KIRREL3: variants seen among roughly 807,000 people sequenced by gnomAD.
KIRREL3 encodes the protein kirre like nephrin family adhesion molecule 3, also known as kin of IRRE-like protein 3.
Under a neutral mutation model 89.7 loss-of-function variants are expected in KIRREL3, and 36 were observed. That is an observed-to-expected ratio of 0.40 (90% CI 0.31 to 0.53). The LOEUF is 0.53. KIRREL3 is among the 20% of genes least tolerant of loss of function. The probability of loss-of-function intolerance (pLI) is 0.49; values close to 1 mark genes in which losing one functional copy is unlikely to be tolerated. For missense variants in KIRREL3, 864 were observed against 1,056.6 expected, an observed-to-expected ratio of 0.82 and a Z score of 2.53; for synonymous variants, 445 against 441.4, an observed-to-expected ratio of 1.01 and a Z score of -0.10.
intron 4 of KIRREL3, among the ~76,000 whole-genome samples, chr11:126,497,732 A>G (rs1362130678): frequency 1.3e-5 from 2 of 152,238 alleles, no homozygotes; most frequent in Non-Finnish European, 2.9e-5. Flanking sequence ...AAGCCACGCC[A>G]GTGCACATGG....
intron 1 of KIRREL3, among the ~76,000 whole-genome samples, chr11:126,717,873 G>A (rs1427470805): frequency 6.6e-6 from 1 of 152,064 alleles, no homozygotes; most frequent in Non-Finnish European, 1.5e-5. Context: ...AAATTAGAAG[G>A]GACTTTAGCA....
chr11:126,534,768 C>T (rs1591694373), intron 2 of KIRREL3, among the ~76,000 whole-genome samples: 1 of 152,202 alleles, frequency 6.6e-6, no homozygotes, highest in Non-Finnish European at 1.5e-5. Context: ...AGTTCTCTGC[C>T]CTACCTGAGA....
At chr11:126,488,457 G>A (rs990602752) in intron 4 of KIRREL3, among the ~76,000 whole-genome samples, 11 of 152,266 alleles carry the variant, frequency 7.2e-5, no homozygotes, top group African/African-American at 2.2e-4. Flanking sequence ...TAGTAGGTCC[G>A]CAGTCGTGGA....
rs189162333 is a variant in KIRREL3, at chr11:126,571,401, A to G, written c.56-8489T>C. ...CACTGAAAGTGGGACACTGGTTACT[A>G]TCTTTGGGGGCTGGGTGCAGCCCAG... On this transcript the variant is annotated intron_variant, in intron 1 of 16. Transcript: ENST00000525144. This position sits in a 1 kb window ranked among gnomAD's most constrained non-coding sequence, Gnocchi z 7.7. Among the ~76,000 whole-genome samples the G allele has an allele frequency of 0.013, 1,960 of 152,194 alleles. 21 individuals are homozygous for G. The highest frequency in any genetic ancestry group is 0.018 in the Non-Finnish European group (1,209 of 68,010).
intron 1 of KIRREL3, among the ~76,000 whole-genome samples, chr11:126,865,719 A>G (rs2134641568): frequency 1.3e-5 from 2 of 152,364 alleles, no homozygotes; most frequent in Middle Eastern, 3.4e-3. Flanking sequence ...TTTGAATTTA[A>G]GGAATGAGAG....
chr11:126,863,428 T>C lies in KIRREL3; in HGVS notation c.55+137027A>G, dbSNP rs1379311849. Among the ~76,000 whole-genome samples the C allele has an allele frequency of 3.4e-3, 347 of 100,914 alleles. 2 individuals are homozygous for C. Among genetic ancestry groups the C allele is most frequent in the East Asian group, 0.03 (80 of 2,632 alleles). 66.2% of individuals were successfully genotyped at this position (100,914 alleles called of 152,430 possible). On this transcript the variant is annotated intron_variant, in intron 1 of 16. Transcript: ENST00000525144. ...GTGAGTGCGTGTGTGAGCGCATGTG[T>C]GTGAGTGCGTGTGTGAGTGTGTGTG...
rs1175901581 is a variant in KIRREL3, at chr11:126,924,264, C to T, written c.55+76191G>A. 6.6e-6 allele frequency among the ~76,000 whole-genome samples: 1 copy of T among 152,116 alleles called. No homozygotes were observed. The highest frequency in any genetic ancestry group is 2.4e-5 in the African/African-American group (1 of 41,422). On this transcript the variant is annotated intron_variant, in intron 1 of 16. Coordinates refer to ENST00000525144, the MANE Select transcript of KIRREL3 (RefSeq NM_032531.4). This position sits in a 1 kb window ranked among gnomAD's most constrained non-coding sequence, Gnocchi z 4.7. ...CTGGTTTTCCCACCTTCAGTTTTCC[C>T]TTCTAGCTCGCTCACTCTCCACACC...
intron 1 of KIRREL3, chr11:126,935,783 T>C (rs1413017662): frequency 6.6e-6 from 1 of 152,218 alleles, no homozygotes. Context: ...ATCTATCCTC[T>C]TTGATACTAC....
rs34642230 is a variant in KIRREL3, at chr11:126,424,342, G to A, written c.*238C>T. On this transcript the variant is annotated 3_prime_UTR_variant, in exon 17 of 17. Coordinates refer to ENST00000525144, the MANE Select transcript of KIRREL3 (RefSeq NM_032531.4). ...ACACGGGTGTCCAGCACTAAGCACA[G>A]CGCACTCAGCCGCAGCCTCTGTCTG... is the stretch of plus-strand genomic sequence containing the variant. 0.091 allele frequency: 50,479 copies of A among 551,894 alleles called. 3,121 individuals are homozygous for A. Among genetic ancestry groups the A allele is most frequent in the African/African-American group, 0.14 (7,460 of 52,570 alleles). The allele number at this position is 551,894 out of a possible 1,614,324, so 34.2% of individuals were successfully genotyped here.
At chr11:126,589,546 T>C (rs1365119405) in intron 1 of KIRREL3, among the ~76,000 whole-genome samples, 1 of 152,208 alleles carries the variant, frequency 6.6e-6, no homozygotes, top group Non-Finnish European at 1.5e-5. Flanking sequence ...GTAGGTACTC[T>C]TGTGTTCAAA....
At chr11:126,619,011 C>G (rs906823638) in intron 1 of KIRREL3, among the ~76,000 whole-genome samples, 1 of 152,140 alleles carries the variant, frequency 6.6e-6, no homozygotes, top group Non-Finnish European at 1.5e-5. Flanking sequence ...ATCTTGACTT[C>G]TAGTTGGAGA....
At chr11:126,939,455 G>A (rs1200645989) in intron 1 of KIRREL3, among the ~76,000 whole-genome samples, 1 of 152,170 alleles carries the variant, frequency 6.6e-6, no homozygotes, top group Non-Finnish European at 1.5e-5. Context: ...CTCAGATTCT[G>A]TCAGGTAGGG....
chr11:126,535,095 G>A lies in KIRREL3; in HGVS notation c.134-8408C>T, dbSNP rs887121001. Among the ~76,000 whole-genome samples the A allele has an allele frequency of 3.9e-4, 60 of 152,048 alleles. No homozygotes were observed. Among genetic ancestry groups the A allele is most frequent in the Non-Finnish European group, 1.5e-4 (10 of 68,024 alleles). On this transcript the variant is annotated intron_variant, in intron 2 of 16. Transcript: ENST00000525144. The surrounding 1 kb of genome is among the most constrained non-coding windows in gnomAD (Gnocchi z 4.5). ...GTGGCCTTTTGGGGGCTCTGGTTAT[G>A]GGGCAGAGCTGGGAGCAGGCAGATG... is the stretch of plus-strand genomic sequence containing the variant.
rs1056107085 is a variant in KIRREL3, at chr11:126,896,064, G to C, written c.55+104391C>G. Among the ~76,000 whole-genome samples, 1 of 152,174 alleles carries C rather than the reference G, an allele frequency of 6.6e-6. No homozygotes were observed. The highest frequency in any genetic ancestry group is 1.5e-5 in the Non-Finnish European group (1 of 68,026). ...TCAAAGCACCTTCATCCCACTCAGG[G>C]ATTACATTTCTCTTACTTATCTTGC... is the stretch of plus-strand genomic sequence containing the variant. On this transcript the variant is annotated intron_variant, in intron 1 of 16. Coordinates refer to ENST00000525144, the MANE Select transcript of KIRREL3 (RefSeq NM_032531.4). This position sits in a 1 kb window ranked among gnomAD's most constrained non-coding sequence, Gnocchi z 4.1.
intron 1 of KIRREL3, among the ~76,000 whole-genome samples, chr11:126,595,871 G>A (rs527900824): frequency 6.6e-6 from 1 of 152,352 alleles, no homozygotes; most frequent in African/African-American, 2.4e-5. Context: ...GCTGGCATAA[G>A]CAGCACCTGG....
chr11:126,488,140 T>G (rs970959702), intron 4 of KIRREL3, among the ~76,000 whole-genome samples: 2 of 152,240 alleles, frequency 1.3e-5, no homozygotes, highest in African/African-American at 4.8e-5. Context: ...GCCTCCTATG[T>G]TCATCTGAGA....
Position 126,768,149 on chromosome 11 carries a change from CATCCATCCATCCATCCATCCA to C in KIRREL3, c.56-205258_56-205238del, listed in dbSNP as rs1949894092. ...CTATCCATCTATCCATCCATCCATC[CATCCATCCATCCATCCATCCA>C]ATCCATCCATCCATCCATCCATCCA... On this transcript the variant is annotated intron_variant, in intron 1 of 16. Transcript: ENST00000525144. This position sits in a 1 kb window ranked among gnomAD's most constrained non-coding sequence, Gnocchi z 4.5. Among the ~76,000 whole-genome samples the C allele has an allele frequency of 1.5e-5, 2 of 129,958 alleles. No individual in the cohort carries two copies. Among genetic ancestry groups the C allele is most frequent in the African/African-American group, 6.4e-5 (2 of 31,484 alleles). 85.3% of individuals were successfully genotyped at this position (129,958 alleles called of 152,430 possible).
At chr11:126,586,130 G>C (rs914634112) in intron 1 of KIRREL3, among the ~76,000 whole-genome samples, 1 of 152,182 alleles carries the variant, frequency 6.6e-6, no homozygotes, top group Non-Finnish European at 1.5e-5. Context: ...CAGATGATGG[G>C]AGGTGAGGAA....
At chr11:126,720,646 C>T (rs925602055) in intron 1 of KIRREL3, among the ~76,000 whole-genome samples, 13 of 152,212 alleles carry the variant, frequency 8.5e-5, no homozygotes, top group Non-Finnish European at 1.6e-4. Context: ...CACAGACACT[C>T]TTGAGAGCGA....
Sources: gnomAD v4.1 joint callset for allele counts (sites outside exome capture counted in the v4.1 genomes callset) on GRCh38, gnomAD v4.1.1 for gene constraint, Gnocchi (gnomAD v3.1) non-coding constraint, MANE v1.5 for transcripts, NCBI Gene and HGNC (gene_info 2026-07-23, HGNC 2026-07-21) for gene names.